The following SEMA3E variants were observed in gnomAD, a reference collection of about 807,000 sequenced individuals.
SEMA3E encodes semaphorin 3E, also known as semaphorin-3E.
Under a neutral mutation model 93.6 loss-of-function variants are expected in SEMA3E, and 49 were observed. The ratio of observed to expected loss-of-function variants is 0.52; its 90% CI spans 0.42 to 0.66. The LOEUF is 0.66. SEMA3E is among the 30% of genes least tolerant of loss of function. SEMA3E has a pLI of 0.00. For missense variants in SEMA3E, 906 were observed against 964.8 expected, an observed-to-expected ratio of 0.94 and a Z score of 0.81; for synonymous variants, 363 against 330.7, an observed-to-expected ratio of 1.10 and a Z score of -1.06.
chr7:83,571,330 T>C (rs550416726), intron 1 of SEMA3E, among the ~76,000 whole-genome samples: 1 of 152,164 alleles, frequency 6.6e-6, no homozygotes, highest in African/African-American at 2.4e-5. Context: ...TTCAACAAAA[T>C]ACTAGCAAAC....
At chr7:83,465,635 T>C (rs1789739623) in intron 4 of SEMA3E, among the ~76,000 whole-genome samples, 1 of 152,070 alleles carries the variant, frequency 6.6e-6, no homozygotes, top group African/African-American at 2.4e-5. Context: ...GAATCATGAG[T>C]CTAGCTGCTT....
chr7:83,506,367 C>T (rs1584295613), intron 1 of SEMA3E, among the ~76,000 whole-genome samples: 1 of 151,978 alleles, frequency 6.6e-6, no homozygotes, highest in African/African-American at 2.4e-5. Flanking sequence ...AAGCCAGGCA[C>T]AGGAAGTCAA....
Position 83,491,225 on chromosome 7 carries a change from T to TA in SEMA3E, c.116-952dup, listed in dbSNP as rs1329117202. Among the ~76,000 whole-genome samples, 3 of 152,200 alleles carry TA rather than the reference T, an allele frequency of 2.0e-5. No homozygotes were observed. In the East Asian group the frequency reaches 5.8e-4, roughly 29 times the overall value. ...AAATCTACAGCACTGTGCCCACTCT[T>TA]ACACTTTTTGTTTCTGAGAAAGAAG... On this transcript the variant is annotated intron_variant, in intron 1 of 16. Transcript: ENST00000643230.
intron 1 of SEMA3E, among the ~76,000 whole-genome samples, chr7:83,507,794 A>AC: frequency 6.6e-6 from 1 of 152,050 alleles, no homozygotes; most frequent in Admixed American, 6.6e-5. Context: ...AAAATAAAAA[A>AC]TAAAAAAAAT....
chr7:83,368,169 T>C (rs1794700888), intron 16 of SEMA3E, 131 bp from the exon 17 acceptor site: 1 of 756,060 alleles, frequency 1.3e-6, no homozygotes, highest in Non-Finnish European at 2.2e-6. Context: ...AAATCATACA[T>C]ACACAAAAAT....
chr7:83,549,082 A>G (rs999421777), intron 1 of SEMA3E, among the ~76,000 whole-genome samples: 4 of 152,152 alleles, frequency 2.6e-5, no homozygotes, highest in African/African-American at 9.7e-5. Context: ...AATATCTCAT[A>G]TTAAACAATA....
chr7:83,422,092 G>A (rs1443347758), intron 4 of SEMA3E, among the ~76,000 whole-genome samples: 3 of 152,158 alleles, frequency 2.0e-5, no homozygotes, highest in South Asian at 2.1e-4. Flanking sequence ...CAGGAGAATC[G>A]CTTGAACCTG....
At chr7:83,442,499 C>G (rs1789135311) in intron 4 of SEMA3E, among the ~76,000 whole-genome samples, 1 of 152,308 alleles carries the variant, frequency 6.6e-6, no homozygotes, top group African/African-American at 2.4e-5. Flanking sequence ...TTTCTATTAT[C>G]TCAACAGTGA....
At chr7:83,395,071 TG>T (rs1461005858) in intron 12 of SEMA3E, among the ~76,000 whole-genome samples, 2 of 152,232 alleles carry the variant, frequency 1.3e-5, no homozygotes, top group African/African-American at 2.4e-5. Flanking sequence ...TCTATGTCAG[TG>T]TTTTTTTATT....
chr7:83,500,804 T>C (rs1389200919), intron 1 of SEMA3E, among the ~76,000 whole-genome samples: 1 of 152,006 alleles, frequency 6.6e-6, no homozygotes, highest in African/African-American at 2.4e-5. Context: ...TTGGTCAGGC[T>C]GGTCTCGAAC....
chr7:83,555,178 A>C (rs2115816171), intron 1 of SEMA3E, among the ~76,000 whole-genome samples: 1 of 152,308 alleles, frequency 6.6e-6, no homozygotes. Flanking sequence ...ACCCAAAAAT[A>C]AAAAATAAAA....
chr7:83,530,669 G>A (rs946739021), intron 1 of SEMA3E, among the ~76,000 whole-genome samples: 1 of 152,134 alleles, frequency 6.6e-6, no homozygotes, highest in East Asian at 1.9e-4. Flanking sequence ...CTGAGGTCAG[G>A]AGTTCGAGAC....
chr7:83,592,054 T>C (rs774418692), intron 1 of SEMA3E, among the ~76,000 whole-genome samples: 10 of 152,230 alleles, frequency 6.6e-5, no homozygotes, highest in East Asian at 1.9e-4. Context: ...GAAGTATTTG[T>C]ATATTAAAAT....
At chr7:83,455,706 G>C (rs1293205065) in intron 4 of SEMA3E, among the ~76,000 whole-genome samples, 1 of 152,196 alleles carries the variant, frequency 6.6e-6, no homozygotes, top group Non-Finnish European at 1.5e-5. Flanking sequence ...TTCCCTCTTA[G>C]TAAACTGAAC....
intron 15 of SEMA3E, 97 bp from the exon 16 acceptor site, chr7:83,385,530 C>T (rs1787861308): frequency 3.3e-6 from 4 of 1,210,032 alleles, no homozygotes; most frequent in Non-Finnish European, 1.2e-6. Context: ...ACATGATTAA[C>T]TCATTACTTA....
intron 2 of SEMA3E, among the ~76,000 whole-genome samples, chr7:83,478,463 A>G (rs1450058969): frequency 1.3e-5 from 2 of 152,210 alleles, no homozygotes; most frequent in East Asian, 1.9e-4. Flanking sequence ...TCTTCCAGAG[A>G]ATAATTTTGA....
At chr7:83,382,257 G>T (rs1026787070) in intron 16 of SEMA3E, among the ~76,000 whole-genome samples, 1 of 151,964 alleles carries the variant, frequency 6.6e-6, no homozygotes, top group Non-Finnish European at 1.5e-5. Context: ...CTGTGCCTCA[G>T]TTACCTCATC....
At chr7:83,427,813 G>T (rs1047011063) in intron 4 of SEMA3E, among the ~76,000 whole-genome samples, 1 of 152,164 alleles carries the variant, frequency 6.6e-6, no homozygotes, top group Non-Finnish European at 1.5e-5. Context: ...TCGCCTTTAT[G>T]GTTCAAGCAA....
rs1319568653 is a variant in SEMA3E at position 83,363,926 on chromosome 7, C to T, written c.*3660G>A. On this transcript the variant is annotated 3_prime_UTR_variant, in exon 17 of 17. Transcript: ENST00000643230. ...TTTTTGAGACGGAGTCTCGCTCTGT[C>T]GCCCAGGCCGGACTGCGGACTGCAG... 4 of 111,956 alleles carry T rather than the reference C, an allele frequency of 3.6e-5. No homozygotes were observed. The highest frequency in any genetic ancestry group is 5.0e-5 in the Non-Finnish European group (3 of 60,188). 6.9% of individuals were successfully genotyped at this position (111,956 alleles called of 1,614,324 possible).
Sources: allele counts gnomAD v4.1 joint callset (sites outside exome capture counted in the v4.1 genomes callset), GRCh38; gene constraint gnomAD v4.1.1; transcripts MANE v1.5; gene names NCBI Gene and HGNC (gene_info 2026-07-23, HGNC 2026-07-21).